Variants in PTPRD observed in about 807,000 individuals in gnomAD.
PTPRD encodes protein tyrosine phosphatase receptor type D.
Under a neutral mutation model 214.5 loss-of-function variants are expected in PTPRD, and 34 were observed. The observed-to-expected ratio is 0.16, with a 90% CI of 0.12 to 0.21. The LOEUF (loss-of-function observed/expected upper bound fraction) is 0.21, where lower values mean the gene tolerates loss of function less well. PTPRD is among the 10% of genes least tolerant of loss of function. PTPRD has a pLI of 1.00. For synonymous variants in PTPRD, 1,128 were observed against 845.7 expected, an observed-to-expected ratio of 1.33 and a Z score of -5.79; for missense variants, 2,545 against 2,398.7, an observed-to-expected ratio of 1.06 and a Z score of -1.27.
intron 10 of PTPRD, among the ~76,000 whole-genome samples, chr9:9,113,735 G>T (rs548331000): frequency 6.6e-6 from 1 of 152,112 alleles, no homozygotes; most frequent in Non-Finnish European, 1.5e-5. Context: ...GTGCTGCCAG[G>T]GTCTCAGCAA....
In PTPRD at chr9:9,800,066, C is replaced by T. The variant is rs532788903; in HGVS notation, c.-367-33215G>A. ...AAATAATAATAAAATATTGAATTCC[C>T]GAAGAGATTTCTGTCAAAATAAGTA... is the stretch of plus-strand genomic sequence containing the variant. On this transcript the variant is annotated intron_variant, in intron 5 of 45. Transcript: ENST00000381196. Among the ~76,000 whole-genome samples the T allele has an allele frequency of 3.9e-5, 6 of 152,194 alleles. No individual in the cohort carries two copies. The East Asian group carries it at 5.8e-4, about 15-fold the overall frequency.
intron 6 of PTPRD, among the ~76,000 whole-genome samples, chr9:9,765,083 C>A (rs1462652821): frequency 9.2e-5 from 14 of 152,138 alleles, no homozygotes; most frequent in Admixed American, 6.5e-5. Flanking sequence ...TGCACGTCAG[C>A]TGGCTTATTT....
chr9:8,549,308 C>T (rs1052877437), intron 14 of PTPRD, among the ~76,000 whole-genome samples: 1 of 152,008 alleles, frequency 6.6e-6, no homozygotes, highest in Non-Finnish European at 1.5e-5. Context: ...TTAGTTCCTT[C>T]GTGAATGATG....
intron 3 of PTPRD, among the ~76,000 whole-genome samples, chr9:10,278,849 A>C (rs983113169): frequency 6.6e-6 from 1 of 151,714 alleles, no homozygotes; most frequent in Non-Finnish European, 1.5e-5. Flanking sequence ...ATCTCGGCTC[A>C]CTGCAAGCTC....
At chr9:8,596,533 A>C (rs1030652378) in intron 14 of PTPRD, among the ~76,000 whole-genome samples, 2 of 152,130 alleles carry the variant, frequency 1.3e-5, no homozygotes, top group African/African-American at 4.8e-5. Context: ...AGAGGAGCAG[A>C]AACAATGCGG....
chr9:9,403,612 G>C (rs377205410), intron 8 of PTPRD, among the ~76,000 whole-genome samples: 1 of 151,968 alleles, frequency 6.6e-6, no homozygotes. Flanking sequence ...ATAAACAGTG[G>C]TGTAATATCA....
chr9:8,614,584 C>A (rs2095550649), intron 14 of PTPRD, among the ~76,000 whole-genome samples: 2 of 152,210 alleles, frequency 1.3e-5, no homozygotes, highest in African/African-American at 4.8e-5. Context: ...TAGAGCCCTA[C>A]AATGTAGAAT....
intron 8 of PTPRD, among the ~76,000 whole-genome samples, chr9:9,410,870 G>A (rs904628908): frequency 1.3e-5 from 2 of 152,124 alleles, no homozygotes; most frequent in Non-Finnish European, 2.9e-5. Context: ...AGAACTCTGC[G>A]ACCACGGTTG....
chr9:9,863,877 T>C (rs1265809841), intron 5 of PTPRD, among the ~76,000 whole-genome samples: 2 of 151,504 alleles, frequency 1.3e-5, no homozygotes, highest in Non-Finnish European at 2.9e-5. Context: ...GACCCAAAGA[T>C]TTGATTGAAC....
At chr9:9,199,482 T>A (rs2099940601) in intron 9 of PTPRD, among the ~76,000 whole-genome samples, 1 of 152,106 alleles carries the variant, frequency 6.6e-6, no homozygotes, top group Admixed American at 6.6e-5. Context: ...CATGCAGTGA[T>A]TTGCTGCTAT....
chr9:9,174,309 A>G (rs757270333), intron 10 of PTPRD, among the ~76,000 whole-genome samples: 2 of 152,186 alleles, frequency 1.3e-5, no homozygotes, highest in African/African-American at 2.4e-5. Flanking sequence ...TTCAATAAAT[A>G]GATGAATGAA....
At chr9:10,317,950 T>A (rs2096475257) in intron 3 of PTPRD, among the ~76,000 whole-genome samples, 2 of 152,074 alleles carry the variant, frequency 1.3e-5, no homozygotes, top group Admixed American at 1.3e-4. Flanking sequence ...GACATTTGAA[T>A]AACTACTAAA....
At chr9:9,845,032 C>CTA (rs368240434) in intron 5 of PTPRD, among the ~76,000 whole-genome samples, 11 of 134,868 alleles carry the variant, frequency 8.2e-5, no homozygotes, top group South Asian at 7.1e-4. Flanking sequence ...ATATATACTG[C>CTA]TATATATATA....
intron 7 of PTPRD, among the ~76,000 whole-genome samples, chr9:9,601,109 ATATGTGTGTGTGTGTGTGTGTGTG>A (rs2093714419): frequency 9.8e-6 from 1 of 102,052 alleles, no homozygotes; most frequent in Non-Finnish European, 2.1e-5. Flanking sequence ...AGAGATTAAT[ATATGTGTGTGTGTGTGTGTGTGTG>A]TGTGTGTGTG....
chr9:10,518,507 G>T (rs187299331), intron 2 of PTPRD, among the ~76,000 whole-genome samples: 1 of 151,880 alleles, frequency 6.6e-6, no homozygotes. Flanking sequence ...CTTGGTCAAG[G>T]TTAAAATTTA....
At chr9:9,264,719 T>C (rs984666220) in intron 9 of PTPRD, among the ~76,000 whole-genome samples, 5 of 151,502 alleles carry the variant, frequency 3.3e-5, no homozygotes, top group African/African-American at 9.7e-5. Flanking sequence ...GCAAATAAGA[T>C]TTCACCAAGA....
intron 3 of PTPRD, among the ~76,000 whole-genome samples, chr9:10,094,023 C>G (rs2098459014): frequency 6.6e-6 from 1 of 151,256 alleles, no homozygotes; most frequent in Non-Finnish European, 1.5e-5. Flanking sequence ...ATCTGTACCC[C>G]AAAACCTCAG....
At chr9:9,186,782 A>G (rs933886960) in intron 9 of PTPRD, among the ~76,000 whole-genome samples, 5 of 152,048 alleles carry the variant, frequency 3.3e-5, no homozygotes, top group African/African-American at 1.2e-4. Flanking sequence ...CAGAAATAAC[A>G]AACATTTCAG....
chr9:10,546,993 G>C (rs559185793), intron 2 of PTPRD, among the ~76,000 whole-genome samples: 6 of 152,194 alleles, frequency 3.9e-5, no homozygotes, highest in African/African-American at 1.4e-4. Flanking sequence ...GCTGTTAATG[G>C]AGGCAGGTCA....
Sources: allele counts gnomAD v4.1 joint callset (sites outside exome capture counted in the v4.1 genomes callset), GRCh38; gene constraint gnomAD v4.1.1; transcripts MANE v1.5; gene names NCBI Gene and HGNC (gene_info 2026-07-23, HGNC 2026-07-21).